The following IGFL2 variants were observed in gnomAD, a reference collection of about 807,000 sequenced individuals.
The protein encoded by IGFL2 is insulin growth factor-like family member 2.
IGFL2 carries 7 observed loss-of-function variants against 13.9 expected under a neutral mutation model. That is an observed-to-expected ratio of 0.51 (90% CI 0.29 to 0.95). IGFL2 has a LOEUF of 0.95. Among genes scored for constraint, IGFL2 ranks in the 40% least tolerant of loss-of-function variants. IGFL2 has a pLI of 0.08. For missense variants in IGFL2, 138 were observed against 147.8 expected (o/e 0.93, Z 0.34); for synonymous variants, 55 against 55.8 (o/e 0.99, Z 0.07).
the IGFL2 span, among the ~76,000 whole-genome samples, chr19:46,100,924 C>T: frequency 6.6e-6 from 1 of 152,068 alleles, no homozygotes; most frequent in Non-Finnish European, 1.5e-5. Context: ...TTTGTTGATG[C>T]TGTTGTTGCT....
At chr19:46,109,062 C>T in the IGFL2 span, among the ~76,000 whole-genome samples, 1 of 149,638 alleles carries the variant, frequency 6.7e-6, no homozygotes. Flanking sequence ...GAGTCCCCCT[C>T]CCCCGGGTCT....
the IGFL2 span, chr19:46,180,782 G>C: frequency 6.6e-6 from 1 of 152,174 alleles, no homozygotes; most frequent in East Asian, 1.9e-4. Context: ...TAAGTCCAAG[G>C]GTCCAAAAGT....
chr19:46,205,480 T>C, the IGFL2 span, among the ~76,000 whole-genome samples: 1 of 152,170 alleles, frequency 6.6e-6, no homozygotes, highest in Admixed American at 6.5e-5. Flanking sequence ...CTTCCAGCAC[T>C]ATGTAAATGT....
chr19:46,081,872 G>T, the IGFL2 span, among the ~76,000 whole-genome samples: 1 of 152,210 alleles, frequency 6.6e-6, no homozygotes, highest in Non-Finnish European at 1.5e-5. Flanking sequence ...TTGTGGAATT[G>T]CAGTCTTGTG....
At chr19:46,135,194 G>T in the IGFL2 span, among the ~76,000 whole-genome samples, 4 of 152,142 alleles carry the variant, frequency 2.6e-5, no homozygotes, top group Admixed American at 2.6e-4. Context: ...AGCAAGAAAT[G>T]AATATTGACT....
intron 1 of IGFL2, among the ~76,000 whole-genome samples, chr19:46,155,447 C>T (rs776244706): frequency 7.9e-5 from 12 of 152,156 alleles, no homozygotes; most frequent in Non-Finnish European, 1.6e-4. Flanking sequence ...CTGCTCTATA[C>T]AGATTGAGTG....
At chr19:46,196,930 C>G in the IGFL2 span, 1 of 168,116 alleles carries the variant, frequency 5.9e-6, no homozygotes, top group Non-Finnish European at 1.3e-5. Flanking sequence ...CCAGGAAGGG[C>G]TGGGAATCTG....
At chr19:46,148,768 A>C (rs188907297) in intron 1 of IGFL2, 240 of 1,105,700 alleles carry the variant, frequency 2.2e-4, no homozygotes, top group Middle Eastern at 5.9e-4. Flanking sequence ...AGCACTGTGG[A>C]TAGGGTTGGG....
At chr19:46,151,994 A>G (rs183896623) in intron 1 of IGFL2, among the ~76,000 whole-genome samples, 1 of 152,190 alleles carries the variant, frequency 6.6e-6, no homozygotes, top group Non-Finnish European at 1.5e-5. Context: ...AAGTCTTCCA[A>G]TTTGCGAACA....
At chr19:46,180,558 G>GAT in the IGFL2 span, 17 of 152,254 alleles carry the variant, frequency 1.1e-4, no homozygotes, top group African/African-American at 3.9e-4. Flanking sequence ...CAACTAATAG[G>GAT]ATATATGTAT....
At chr19:46,202,473 G>A in the IGFL2 span, 1 of 152,132 alleles carries the variant, frequency 6.6e-6, no homozygotes, top group African/African-American at 2.4e-5. Flanking sequence ...GTTGCCCATA[G>A]TAAAAAGGTA....
At chr19:46,124,623 GC>G in the IGFL2 span, 1 of 1,608,224 alleles carries the variant, frequency 6.2e-7, no homozygotes, top group Non-Finnish European at 8.5e-7. Context: ...GGTCCTACTT[GC>G]CCAAGATGCA....
At chr19:46,198,234 C>T in the IGFL2 span, 2 of 150,972 alleles carry the variant, frequency 1.3e-5, no homozygotes, top group African/African-American at 4.9e-5. Flanking sequence ...CACAGCCTCC[C>T]AAGTAGTTGG....
the IGFL2 span, among the ~76,000 whole-genome samples, chr19:46,171,029 A>C: frequency 1.3e-5 from 2 of 151,970 alleles, no homozygotes; most frequent in East Asian, 3.9e-4. Context: ...CCCCTTTGAA[A>C]ATTGCTAATA....
At chr19:46,082,463 C>G in the IGFL2 span, among the ~76,000 whole-genome samples, 44 of 152,150 alleles carry the variant, frequency 2.9e-4, no homozygotes, top group Non-Finnish European at 5.4e-4. Flanking sequence ...AACCTCTGAA[C>G]TTGCTTGTGT....
the IGFL2 span, chr19:46,198,000 CCCCTCCCTCCCTCCCT>C: frequency 2.0e-5 from 2 of 102,122 alleles, no homozygotes; most frequent in South Asian, 4.4e-4. Context: ...CCCTCCCCTC[CCCCTCCCTCCCTCCCT>C]CCCTCCCTCC....
chr19:46,132,660 T>A, the IGFL2 span, among the ~76,000 whole-genome samples: 1 of 130,506 alleles, frequency 7.7e-6, no homozygotes, highest in Non-Finnish European at 1.6e-5. Flanking sequence ...GGGAAAACGA[T>A]AGAGGGAGAG....
chr19:46,138,659 G>A (rs1972715511), upstream of IGFL2, among the ~76,000 whole-genome samples: 2 of 152,228 alleles, frequency 1.3e-5, no homozygotes, highest in South Asian at 4.1e-4. Flanking sequence ...TCTGATAGTT[G>A]GACAGGGTCT....
chr19:46,095,240 A>G, the IGFL2 span, among the ~76,000 whole-genome samples: 1 of 152,168 alleles, frequency 6.6e-6, no homozygotes, highest in African/African-American at 2.4e-5. Flanking sequence ...ATGAGATAGT[A>G]TCTTGTTGTG....
Sources: allele counts gnomAD v4.1 joint callset (sites outside exome capture counted in the v4.1 genomes callset), GRCh38; gene constraint gnomAD v4.1.1; transcripts MANE v1.5; gene names NCBI Gene and HGNC (gene_info 2026-07-23, HGNC 2026-07-21).